Variants in BCO1 observed in about 807,000 individuals in gnomAD.
The protein encoded by BCO1 is beta-carotene oxygenase 1.
Under a neutral mutation model 56.3 loss-of-function variants are expected in BCO1, and 54 were observed. The ratio of observed to expected loss-of-function variants is 0.96; its 90% CI spans 0.77 to 1.20. The LOEUF is 1.20. BCO1 is among the 50% of genes most tolerant of loss of function. The probability of loss-of-function intolerance (pLI) is 0.00; values close to 1 mark genes in which losing one functional copy is unlikely to be tolerated. For missense variants in BCO1, 801 were observed against 690.9 expected (o/e 1.16, Z -1.79); for synonymous variants, 318 against 266.1 (o/e 1.20, Z -1.90).
intron 2 of BCO1, among the ~76,000 whole-genome samples, chr16:81,251,370 G>A (rs1905786168): frequency 6.6e-6 from 1 of 152,014 alleles, no homozygotes; most frequent in South Asian, 2.1e-4. Flanking sequence ...ACAAGCCTGG[G>A]TAACATAGTG....
intron 6 of BCO1, among the ~76,000 whole-genome samples, chr16:81,268,498 T>C (rs1457961873): frequency 6.6e-6 from 1 of 152,202 alleles, no homozygotes; most frequent in Non-Finnish European, 1.5e-5. Flanking sequence ...CTTAACCATG[T>C]CTGCTACCAG....
chr16:81,280,913 G>C lies in BCO1; in HGVS notation c.1158G>C (p.Leu386=), dbSNP rs1907843423. The change falls in exon 8 of 11, where the codon CTG becomes CTC. Residue 386 remains leucine, a synonymous_variant. Coordinates refer to ENST00000258168, the MANE Select transcript of BCO1 (RefSeq NM_017429.3). ...TGGCATCTACAACAGCCACGGCCCTGAAGGAAGAAGATGGCCAAGTCTACT... is the reference window on the plus strand; with the variant it reads ...TGGCATCTACAACAGCCACGGCCCTCAAGGAAGAAGATGGCCAAGTCTACT... ...IKVASTTATA[L]KEEDGQVYCQ... 1.2e-6 allele frequency: 2 copies of C among 1,614,144 alleles called. No homozygotes were observed. The highest frequency in any genetic ancestry group is 1.7e-6 in the Non-Finnish European group (2 of 1,179,988).
chr16:81,262,349 G>T lies in BCO1; in HGVS notation c.471+66G>T, dbSNP rs757671439. On this transcript the variant is annotated intron_variant, in intron 4 of 10. Coordinates refer to ENST00000258168, the MANE Select transcript of BCO1 (RefSeq NM_017429.3). ...GAAAGGGAGAGTCGGCGACGGCCGG[G>T]GTGAGGTTGCTCAGCCTGCAAGCAG... 8 of 1,555,936 alleles carry T rather than the reference G, an allele frequency of 5.1e-6. No individual in the cohort carries two copies. The South Asian group carries it at 7.8e-5, about 15-fold the overall frequency.
chr16:81,248,713 G>A (rs1356919261), intron 2 of BCO1, among the ~76,000 whole-genome samples: 1 of 152,026 alleles, frequency 6.6e-6, no homozygotes, highest in African/African-American at 2.4e-5. Context: ...AACATAGAAG[G>A]TAAATGCACC....
chr16:81,281,749 T>C (rs1907894385), intron 8 of BCO1, among the ~76,000 whole-genome samples: 1 of 152,118 alleles, frequency 6.6e-6, no homozygotes, highest in Non-Finnish European at 1.5e-5. Context: ...GGGTCATTCT[T>C]TGCAGTGGGT....
intron 1 of BCO1, among the ~76,000 whole-genome samples, chr16:81,240,879 G>C (rs1268032277): frequency 7.0e-6 from 1 of 142,756 alleles, no homozygotes; most frequent in Admixed American, 7.2e-5. Context: ...TTGTTGCCCA[G>C]GCTGGAGTGT....
At chr16:81,251,191 G>A (rs774336068) in intron 2 of BCO1, among the ~76,000 whole-genome samples, 1 of 152,066 alleles carries the variant, frequency 6.6e-6, no homozygotes, top group Admixed American at 6.6e-5. Context: ...AAAGACTTTG[G>A]AGCAAGAAAC....
chr16:81,272,856 T>C (rs1157207386), intron 7 of BCO1, among the ~76,000 whole-genome samples: 1 of 152,178 alleles, frequency 6.6e-6, no homozygotes, highest in Non-Finnish European at 1.5e-5. Flanking sequence ...GAAGCCTCAT[T>C]TTACAGATGA....
intron 5 of BCO1, among the ~76,000 whole-genome samples, chr16:81,265,041 C>T (rs1254787856): frequency 2.6e-5 from 4 of 152,096 alleles, no homozygotes; most frequent in Non-Finnish European, 5.9e-5. Flanking sequence ...ATTAATTTAT[C>T]TACCCATCTA....
chr16:81,279,817 G>C (rs1307369504), intron 7 of BCO1, among the ~76,000 whole-genome samples: 1 of 152,126 alleles, frequency 6.6e-6, no homozygotes, highest in Non-Finnish European at 1.5e-5. Flanking sequence ...GTCCTTGAAG[G>C]CTGTTTTGCC....
rs1597337591 is a variant in BCO1 at position 81,238,974 on chromosome 16, T to G, written c.64+2T>G. 6.2e-7 allele frequency: 1 copy of G among 1,613,348 alleles called. No homozygotes were observed. The highest frequency in any genetic ancestry group is 8.5e-7 in the Non-Finnish European group (1 of 1,179,458). On this transcript the variant is annotated splice_donor_variant, in intron 1 of 10. Coordinates refer to ENST00000258168, the MANE Select transcript of BCO1 (RefSeq NM_017429.3). LOFTEE classifies it high-confidence loss of function. ...AGCCTGTGAGGGCCAAAGTGACAGG[T>G]GAGCATTCTGATAAACACTGGGCTC...
Position 81,264,621 on chromosome 16 carries a change from G to A in BCO1, c.472-19G>A, listed in dbSNP as rs1031676947. The stretch of plus-strand genomic sequence containing the variant: ...TTATCGTAAATACTTTAAAAAACAG[G>A]AGGTGTCATATCTTGCAGGTTGATT... On this transcript the variant is annotated intron_variant, in intron 4 of 10. Coordinates refer to ENST00000258168, the MANE Select transcript of BCO1 (RefSeq NM_017429.3). 2 of 1,613,132 alleles carry A rather than the reference G, an allele frequency of 1.2e-6. No homozygotes were observed. Among genetic ancestry groups the A allele is most frequent in the Admixed American group, 1.7e-5 (1 of 59,974 alleles).
chr16:81,252,797 T>A (rs1905890950), intron 2 of BCO1, among the ~76,000 whole-genome samples: 1 of 152,130 alleles, frequency 6.6e-6, no homozygotes, highest in African/African-American at 2.4e-5. Context: ...ACAATGCAGT[T>A]TCAACAGCCT....
chr16:81,288,607 A>G (rs1908307685), intron 10 of BCO1, among the ~76,000 whole-genome samples: 7 of 152,174 alleles, frequency 4.6e-5, no homozygotes. Flanking sequence ...AAGCATGTAA[A>G]TGTTTCACAG....
chr16:81,263,356 CTCAT>C (rs1292720094), intron 4 of BCO1: 1 of 152,180 alleles, frequency 6.6e-6, no homozygotes, highest in Non-Finnish European at 1.5e-5. Context: ...ATGATTGGCC[CTCAT>C]GATTACAGGC....
At chr16:81,263,825 A>G (rs1231189515) in intron 4 of BCO1, 1 of 152,260 alleles carries the variant, frequency 6.6e-6, no homozygotes, top group African/African-American at 2.4e-5. Flanking sequence ...ATGTCTCTGC[A>G]ATACGTTTTA....
intron 1 of BCO1, among the ~76,000 whole-genome samples, chr16:81,243,217 A>T (rs1905217909): frequency 6.6e-6 from 1 of 152,206 alleles, no homozygotes; most frequent in South Asian, 2.1e-4. Context: ...ACATTTTAAA[A>T]TGATGAGTTT....
intron 2 of BCO1, among the ~76,000 whole-genome samples, chr16:81,255,732 C>T: frequency 6.6e-6 from 1 of 151,990 alleles, no homozygotes; most frequent in South Asian, 2.1e-4. Flanking sequence ...GTCTCAAACT[C>T]CTGACCTTGT....
Position 81,285,526 on chromosome 16 carries a change from T to C in BCO1, c.1208-14T>C. On this transcript the variant is annotated splice_polypyrimidine_tract_variant and intron_variant, in intron 8 of 10. Coordinates refer to ENST00000258168, the MANE Select transcript of BCO1 (RefSeq NM_017429.3). ...AATGATAGGGGCTTCATCCACCTCC[T>C]CATTTCCTTGTAGGCTTAGAGCTTC... 6.3e-7 allele frequency: 1 copy of C among 1,592,990 alleles called. No individual in the cohort carries two copies. The highest frequency in any genetic ancestry group is 8.6e-7 in the Non-Finnish European group (1 of 1,160,840).
Sources: allele counts gnomAD v4.1 joint callset (sites outside exome capture counted in the v4.1 genomes callset), GRCh38; gene constraint gnomAD v4.1.1; transcripts MANE v1.5; gene names NCBI Gene and HGNC (gene_info 2026-07-23, HGNC 2026-07-21).